Variants in NTM observed in about 807,000 individuals in gnomAD.
NTM encodes neurotrimin, also known as IgLON family member 2.
NTM carries 13 observed loss-of-function variants against 42.1 expected under a neutral mutation model. That is an observed-to-expected ratio of 0.31 (90% CI 0.20 to 0.49). NTM has a LOEUF of 0.49. NTM is among the 20% of genes least tolerant of loss of function. NTM has a pLI of 0.99. For synonymous variants in NTM, 187 were observed against 179.2 expected (o/e 1.04, Z -0.35); for missense variants, 373 against 452.8 (o/e 0.82, Z 1.60).
intron 4 of NTM, among the ~76,000 whole-genome samples, chr11:132,275,184 T>A (rs2093657631): frequency 6.6e-6 from 1 of 152,148 alleles, no homozygotes; most frequent in African/African-American, 2.4e-5. Context: ...TATGTTTAGA[T>A]GTACAATCCA....
chr11:131,998,429 C>A (rs528122152), intron 2 of NTM, among the ~76,000 whole-genome samples: 2 of 152,288 alleles, frequency 1.3e-5, no homozygotes, highest in South Asian at 2.1e-4. Context: ...ACCACACAGG[C>A]AAGGCTCTGC....
intron 2 of NTM, among the ~76,000 whole-genome samples, chr11:131,918,822 C>T (rs2056805731): frequency 6.6e-6 from 1 of 152,156 alleles, no homozygotes; most frequent in African/African-American, 2.4e-5. Context: ...CACAGGGACC[C>T]AACCGACCTC....
intron 2 of NTM, among the ~76,000 whole-genome samples, chr11:132,101,556 T>TGTGTGTGTGTGTGTGTGTGTGTGTGTG (rs1555261897): frequency 6.1e-5 from 8 of 131,048 alleles, no homozygotes; most frequent in African/African-American, 2.2e-4. Context: ...GAACACAACC[T>TGTGTGTGTGTGTGTGTGTGTGTGTGTG]TGTGTGTGTG....
intron 1 of NTM, among the ~76,000 whole-genome samples, chr11:131,648,405 C>T (rs2066038933): frequency 6.6e-6 from 1 of 152,140 alleles, no homozygotes; most frequent in African/African-American, 2.4e-5. Context: ...TTGTTTTCAG[C>T]TCTTTGAGGA....
chr11:132,222,298 C>G (rs1338887839), intron 4 of NTM, among the ~76,000 whole-genome samples: 1 of 152,194 alleles, frequency 6.6e-6, no homozygotes, highest in African/African-American at 2.4e-5. Flanking sequence ...ACACAGCCTC[C>G]CTCTGACCTG....
intron 1 of NTM, among the ~76,000 whole-genome samples, chr11:131,719,978 T>C (rs1295188531): frequency 6.6e-6 from 1 of 152,208 alleles, no homozygotes; most frequent in Non-Finnish European, 1.5e-5. Context: ...GTATTTTTGC[T>C]GTAAGCTGCC....
chr11:131,833,455 C>T (rs894742330), intron 1 of NTM, among the ~76,000 whole-genome samples: 1 of 152,130 alleles, frequency 6.6e-6, no homozygotes, highest in Non-Finnish European at 1.5e-5. Context: ...AACTAAAGCA[C>T]AGAGAGGTTT....
chr11:131,458,963 G>T (rs1413628327), intron 1 of NTM, among the ~76,000 whole-genome samples: 1 of 152,228 alleles, frequency 6.6e-6, no homozygotes, highest in East Asian at 1.9e-4. Context: ...CTGCCCTAGG[G>T]CAAAAACATG....
In NTM at chr11:131,712,348, T is replaced by A. The variant is rs138227756; in HGVS notation, c.83-199216T>A. Among the ~76,000 whole-genome samples the A allele has an allele frequency of 6.9e-3, 1,041 of 151,788 alleles. 12 individuals carry two copies. The highest frequency in any genetic ancestry group is 9.4e-3 in the Non-Finnish European group (642 of 67,938). On this transcript the variant is annotated intron_variant, in intron 1 of 8. Coordinates refer to ENST00000683400, the MANE Select transcript of NTM (RefSeq NM_001352005.2). ...GAAAAACAGTTGTTAAGAGGAGGAG[T>A]GCTGCTGTTAGCTGTAAGAACTACC...
chr11:131,831,857 A>T (rs1207243508), intron 1 of NTM, among the ~76,000 whole-genome samples: 3 of 151,334 alleles, frequency 2.0e-5, no homozygotes, highest in African/African-American at 4.8e-5. Flanking sequence ...GAGTCCTTTA[A>T]ATATTCATAA....
chr11:131,615,096 A>C (rs190030424), intron 1 of NTM, among the ~76,000 whole-genome samples: 75 of 152,330 alleles, frequency 4.9e-4, no homozygotes, highest in Non-Finnish European at 9.6e-4. Flanking sequence ...TAGACAAAGC[A>C]ATATTCTATC....
intron 7 of NTM, among the ~76,000 whole-genome samples, chr11:132,324,802 G>T (rs1442782435): frequency 6.7e-6 from 1 of 149,610 alleles, no homozygotes; most frequent in African/African-American, 2.5e-5. Context: ...AAACAGCATG[G>T]TACTGGTACC....
intron 1 of NTM, among the ~76,000 whole-genome samples, chr11:131,746,227 G>C (rs548312914): frequency 4.6e-5 from 7 of 152,178 alleles, no homozygotes; most frequent in Non-Finnish European, 7.4e-5. Context: ...GGGCTGGTGA[G>C]ATTTAATTCA....
intron 1 of NTM, among the ~76,000 whole-genome samples, chr11:131,401,323 A>G (rs1353945110): frequency 2.6e-5 from 4 of 152,130 alleles, no homozygotes; most frequent in Non-Finnish European, 5.9e-5. Context: ...ACTATTGGGA[A>G]GTCTCTTCTT....
In NTM at chr11:131,762,128, T is replaced by A. The variant is rs566656619; in HGVS notation, c.83-149436T>A. 2.6e-5 allele frequency among the ~76,000 whole-genome samples: 4 copies of A among 152,334 alleles called. No individual in the cohort carries two copies. The East Asian group carries it at 5.8e-4, about 22-fold the overall frequency. On this transcript the variant is annotated intron_variant, in intron 1 of 8. Coordinates refer to ENST00000683400, the MANE Select transcript of NTM (RefSeq NM_001352005.2). ...GCCCAGGCGGACTAATACACCAGGT[T>A]CATTTGTTATCAAAGCCCCAGCACT...
chr11:132,305,075 CTGA>C (rs1435255892), intron 4 of NTM, among the ~76,000 whole-genome samples: 1 of 152,188 alleles, frequency 6.6e-6, no homozygotes. Context: ...CCACAGAAAA[CTGA>C]TGAGTTCTCG....
intron 3 of NTM, among the ~76,000 whole-genome samples, chr11:132,151,921 T>C (rs2072001256): frequency 6.6e-6 from 1 of 152,144 alleles, no homozygotes; most frequent in African/African-American, 2.4e-5. Context: ...CAGCCCCTAA[T>C]TTACCTTTGA....
chr11:131,488,013 A>G (rs1954369891), intron 1 of NTM, among the ~76,000 whole-genome samples: 1 of 152,180 alleles, frequency 6.6e-6, no homozygotes, highest in African/African-American at 2.4e-5. Context: ...GAAAGCAGTC[A>G]ACACATAGCA....
At chr11:131,513,830 G>A (rs1266431063) in intron 1 of NTM, among the ~76,000 whole-genome samples, 1 of 152,166 alleles carries the variant, frequency 6.6e-6, no homozygotes, top group Non-Finnish European at 1.5e-5. Flanking sequence ...CATAAAGGTA[G>A]TGCAAGGCCC....
Sources: gnomAD v4.1 joint callset for allele counts (sites outside exome capture counted in the v4.1 genomes callset) on GRCh38, gnomAD v4.1.1 for gene constraint, MANE v1.5 for transcripts, NCBI Gene and HGNC (gene_info 2026-07-23, HGNC 2026-07-21) for gene names.